Variants in STAB2 observed in about 807,000 individuals in gnomAD.
STAB2 encodes the protein stabilin 2.
STAB2 carries 288 observed loss-of-function variants against 338.1 expected under a neutral mutation model. The ratio of observed to expected loss-of-function variants is 0.85; its 90% CI spans 0.77 to 0.94. The LOEUF (loss-of-function observed/expected upper bound fraction) is 0.94, where lower values mean the gene tolerates loss of function less well. Ranked by LOEUF, STAB2 falls within the 40% of genes least tolerant of loss-of-function variation. The pLI, the probability that STAB2 is intolerant of heterozygous loss-of-function variation, is 0.00. For missense variants in STAB2, 3,141 were observed against 3,210.1 expected, an observed-to-expected ratio of 0.98 and a Z score of 0.52; for synonymous variants, 1,202 against 1,193.3, an observed-to-expected ratio of 1.01 and a Z score of -0.15.
At chr12:103,674,111 T>C in intron 23 of STAB2, 24 bp downstream of exon 23, 1 of 1,597,476 alleles carries the variant, frequency 6.3e-7, no homozygotes, top group Non-Finnish European at 8.6e-7. Context: ...GGAATGGCCC[T>C]TAATGACGCT....
chr12:103,717,146 T>G (rs1163288779), intron 43 of STAB2, among the ~76,000 whole-genome samples: 1 of 152,096 alleles, frequency 6.6e-6, no homozygotes, highest in Non-Finnish European at 1.5e-5. Flanking sequence ...GGGACATCAG[T>G]GAATAGAGTG....
intron 15 of STAB2, among the ~76,000 whole-genome samples, chr12:103,656,514 G>A (rs1361876626): frequency 3.3e-5 from 5 of 152,096 alleles, no homozygotes; most frequent in East Asian, 1.9e-4. Flanking sequence ...AAATAGACAC[G>A]CTGGTAACCA....
In STAB2 at chr12:103,727,186, A is replaced by G. The variant is rs1447879444; in HGVS notation, c.4852-81A>G. 4.1e-6 allele frequency: 6 copies of G among 1,466,220 alleles called. No homozygotes were observed. The Admixed American group carries it at 8.4e-5, about 20-fold the overall frequency. The allele number at this position is 1,466,220 out of a possible 1,614,324, so 90.8% of individuals were successfully genotyped here. A position where few individuals can be genotyped will look rare whatever the true frequency, so the allele number is the denominator to read the frequency against. On this transcript the variant is annotated intron_variant, in intron 46 of 68. Transcript: ENST00000388887. Reference sequence around the variant, plus strand: ...CCAGTCTTTGCTTCACCCAGGTGCCATCATCTCTGGTATTAGTTTGAGCCC... The same window carrying G: ...CCAGTCTTTGCTTCACCCAGGTGCCGTCATCTCTGGTATTAGTTTGAGCCC...
chr12:103,695,291 G>C (rs76865406), intron 31 of STAB2, among the ~76,000 whole-genome samples: 9,143 of 152,184 alleles, frequency 0.06, 891 homozygotes, highest in African/African-American at 0.21. Context: ...AAAGTCTTTC[G>C]TGCAAGAAGA....
rs896601574 is a variant in STAB2, at chr12:103,587,379, A to G, written c.-98A>G. On this transcript the variant is annotated 5_prime_UTR_variant, in exon 1 of 69. Transcript: ENST00000388887. ...GGAAGGGATTTAAAAGTAAACAGTG[A>G]AATGAGAAAGAATTCACTGGGAGTT... 17 of 997,318 alleles carry G rather than the reference A, an allele frequency of 1.7e-5. No individual in the cohort carries two copies. Among genetic ancestry groups the G allele is most frequent in the Non-Finnish European group, 2.6e-5 (17 of 656,902 alleles). 61.8% of individuals were successfully genotyped at this position (997,318 alleles called of 1,614,324 possible).
intron 63 of STAB2, among the ~76,000 whole-genome samples, chr12:103,757,703 C>T (rs976761552): frequency 3.3e-5 from 5 of 152,152 alleles, no homozygotes; most frequent in Non-Finnish European, 2.9e-5. Flanking sequence ...GCAGCAGGAG[C>T]GTGCCAGGCA....
intron 51 of STAB2, among the ~76,000 whole-genome samples, chr12:103,733,902 A>G (rs140622148): frequency 1.0e-3 from 138 of 133,466 alleles, no homozygotes; most frequent in East Asian, 1.3e-3. Flanking sequence ...GAGCAAGCAC[A>G]ATCACATAGG....
At position 103,704,615 on chromosome 12, in the gene STAB2, G is replaced by A. The variant is rs143121115; in HGVS notation, c.3900+1G>A. ...CTGCCCATTCGGAACTAAATCTCTAGTAAGTACTTTGTCTGTTTTGATAAA... is the reference window on the plus strand; with the variant it reads ...CTGCCCATTCGGAACTAAATCTCTAATAAGTACTTTGTCTGTTTTGATAAA... On this transcript the variant is annotated splice_donor_variant, in intron 36 of 68. Transcript: ENST00000388887. LOFTEE classifies it high-confidence loss of function. The A allele has an allele frequency of 8.1e-6, 13 of 1,613,518 alleles. No individual in the cohort carries two copies. Among genetic ancestry groups the A allele is most frequent in the African/African-American group, 8.0e-5 (6 of 74,916 alleles).
At chr12:103,629,688 G>T (rs759047748) in intron 5 of STAB2, among the ~76,000 whole-genome samples, 12 of 152,212 alleles carry the variant, frequency 7.9e-5, no homozygotes, top group Non-Finnish European at 1.3e-4. Context: ...CTTCCACCTG[G>T]CATGGTCTTC....
chr12:103,709,350 G>A (rs955878556), intron 39 of STAB2, among the ~76,000 whole-genome samples: 4 of 152,196 alleles, frequency 2.6e-5, no homozygotes, highest in Admixed American at 6.5e-5. Flanking sequence ...GGCAGGCGCC[G>A]GGCCGTGAAA....
chr12:103,758,322 C>A, intron 64 of STAB2, 33 bp downstream of exon 64: 2 of 1,609,214 alleles, frequency 1.2e-6, no homozygotes, highest in Non-Finnish European at 8.5e-7. Context: ...TTGCTTTAGA[C>A]TAGCATGTTA....
intron 37 of STAB2, 57 bp downstream of exon 37, chr12:103,705,784 A>C (rs78257182): frequency 6.6e-7 from 1 of 1,525,696 alleles, no homozygotes; most frequent in East Asian, 2.3e-5. Context: ...AAAATCCATC[A>C]TATGGTATCC....
In STAB2 at chr12:103,763,504, A is replaced by T; in HGVS notation, c.7501A>T (p.Ile2501Phe). The T allele has an allele frequency of 6.2e-7, 1 of 1,614,114 alleles. No individual in the cohort carries two copies. Among genetic ancestry groups the T allele is most frequent in the East Asian group, 2.2e-5 (1 of 44,880 alleles). ...GFQHFESEED[I>F]NVAALGKQQP... ...TCTTTCCAAACAGTCGGAAGAGGACATTAATGTTGCAGCTCTTGGCAAGCA... is the reference window on the plus strand; with the variant it reads ...TCTTTCCAAACAGTCGGAAGAGGACTTTAATGTTGCAGCTCTTGGCAAGCA... The change falls in exon 68 of 69, where the codon ATT (isoleucine) becomes TTT (phenylalanine). Residue 2501 changes from isoleucine (I) to phenylalanine (F), a missense_variant. Coordinates refer to ENST00000388887, the MANE Select transcript of STAB2 (RefSeq NM_017564.10).
chr12:103,757,117 C>G lies in STAB2; in HGVS notation c.6988-1053C>G, dbSNP rs1473381775. Among the ~76,000 whole-genome samples, 7 of 150,626 alleles carry G rather than the reference C, an allele frequency of 4.6e-5. No homozygotes were observed. The East Asian group carries it at 1.4e-3, about 29-fold the overall frequency. On this transcript the variant is annotated intron_variant, in intron 63 of 68. Coordinates refer to ENST00000388887, the MANE Select transcript of STAB2 (RefSeq NM_017564.10). ...TGTTTGTTTGTTTTCTTAAGAGAGT[C>G]TTGTTGTGTTGCCCAGGCTGGAGTA...
chr12:103,693,003 A>AC (rs1405841780), intron 31 of STAB2, 114 bp downstream of exon 31: 1 of 709,628 alleles, frequency 1.4e-6, no homozygotes, highest in Non-Finnish European at 2.3e-6. Flanking sequence ...TATGGAAGTA[A>AC]CCGGTACTGT....
intron 33 of STAB2, among the ~76,000 whole-genome samples, chr12:103,697,214 C>T (rs923033561): frequency 3.3e-5 from 5 of 152,062 alleles, no homozygotes; most frequent in Non-Finnish European, 2.9e-5. Context: ...ATTATGTATC[C>T]CCAATAGGAT....
intron 9 of STAB2, among the ~76,000 whole-genome samples, chr12:103,646,278 C>T (rs1277926619): frequency 1.3e-5 from 2 of 152,250 alleles, no homozygotes; most frequent in Non-Finnish European, 2.9e-5. Context: ...TCAGTTACTT[C>T]CTTCTCCATG....
At chr12:103,751,664 G>T (rs1303284823) in intron 60 of STAB2, among the ~76,000 whole-genome samples, 1 of 152,148 alleles carries the variant, frequency 6.6e-6, no homozygotes, top group Non-Finnish European at 1.5e-5. Flanking sequence ...TTTGCCCCTG[G>T]GACTGTGAAG....
chr12:103,628,771 T>C (rs1207414018), intron 5 of STAB2, among the ~76,000 whole-genome samples: 1 of 152,158 alleles, frequency 6.6e-6, no homozygotes, highest in Non-Finnish European at 1.5e-5. Flanking sequence ...ACTCATTACA[T>C]CTGCAATGAC....
Sources: allele counts gnomAD v4.1 joint callset (sites outside exome capture counted in the v4.1 genomes callset), GRCh38; gene constraint gnomAD v4.1.1; transcripts MANE v1.5; gene names NCBI Gene and HGNC (gene_info 2026-07-23, HGNC 2026-07-21).